The following ACTN4 variants were observed in gnomAD, a reference collection of about 807,000 sequenced individuals.
The protein encoded by ACTN4 is alpha-actinin-4.
Under a neutral mutation model 114.2 loss-of-function variants are expected in ACTN4, and 18 were observed. The observed-to-expected ratio is 0.16, with a 90% CI of 0.11 to 0.23. The LOEUF is 0.23. Ranked by LOEUF, ACTN4 falls within the 10% of genes least tolerant of loss-of-function variation. ACTN4 has a pLI of 1.00. For synonymous variants in ACTN4, 515 were observed against 506.3 expected (o/e 1.02, Z -0.23); for missense variants, 722 against 1,262.9 (o/e 0.57, Z 6.49).
chr19:38,705,677 G>C (rs1847162269), intron 4 of ACTN4, among the ~76,000 whole-genome samples: 1 of 152,244 alleles, frequency 6.6e-6, no homozygotes, highest in African/African-American at 2.4e-5. Context: ...GCCAAGGCCG[G>C]TATCAAGGGC....
chr19:38,684,294 A>G (rs1015041999), intron 1 of ACTN4, among the ~76,000 whole-genome samples: 1 of 152,136 alleles, frequency 6.6e-6, no homozygotes, highest in African/African-American at 2.4e-5. Flanking sequence ...TCAGCCCCTT[A>G]GTGGCTTTCA....
At chr19:38,694,618 C>A (rs994774446) in intron 1 of ACTN4, among the ~76,000 whole-genome samples, 9 of 152,074 alleles carry the variant, frequency 5.9e-5, no homozygotes. Flanking sequence ...CAGCACCTCC[C>A]ATTCTACTCA....
At position 38,647,877 on chromosome 19, in the gene ACTN4, G is replaced by A; in HGVS notation, c.132G>A (p.Leu44=). The A allele has an allele frequency of 6.5e-7, 1 of 1,528,756 alleles. No homozygotes were observed. Among genetic ancestry groups the A allele is most frequent in the Non-Finnish European group, 8.8e-7 (1 of 1,137,114 alleles). The allele number at this position is 1,528,756 out of a possible 1,614,324, so 94.7% of individuals were successfully genotyped here. A position where few individuals can be genotyped will look rare whatever the true frequency, so the allele number is the denominator to read the frequency against. Reference sequence around the variant, plus strand: ...ACGACTGGGACCGGGACCTGCTGCTGGACCCGGCCTGGGAGAAGCAGCAGC... The same window carrying A: ...ACGACTGGGACCGGGACCTGCTGCTAGACCCGGCCTGGGAGAAGCAGCAGC... ...QEDDWDRDLL[L]DPAWEKQQRK... Residue 44 remains leucine, a synonymous_variant, in exon 1 of 21, where the codon CTG becomes CTA. Coordinates refer to ENST00000252699, the MANE Select transcript of ACTN4 (RefSeq NM_004924.6).
rs1052386297 is a variant in ACTN4, at chr19:38,687,179, G to T, written c.163-13421G>T. On this transcript the variant is annotated intron_variant, in intron 1 of 20. Transcript: ENST00000252699. ...CGGCTGGTCTCTACTAATAGTTCAAGACGGCTGGTCTTGAACTCCTGACCT... is the reference window on the plus strand; with the variant it reads ...CGGCTGGTCTCTACTAATAGTTCAATACGGCTGGTCTTGAACTCCTGACCT... Among the ~76,000 whole-genome samples, 10 of 152,078 alleles carry T rather than the reference G, an allele frequency of 6.6e-5. No homozygotes were observed. In the East Asian group the frequency reaches 1.7e-3, roughly 26 times the overall value.
rs547212814 is a variant in ACTN4 at position 38,658,101 on chromosome 19, C to CA, written c.162+10195dup. Among the ~76,000 whole-genome samples the CA allele has an allele frequency of 1.4e-4, 22 of 152,310 alleles. 1 individual carries two copies. In the South Asian group the frequency reaches 4.6e-3, roughly 32 times the overall value. On this transcript the variant is annotated intron_variant, in intron 1 of 20. Transcript: ENST00000252699. ...ACTTGGTATCACAGGAAAATACCTA[C>CA]AGGCACAGCAGCCTTGCCAGGTAGG...
At chr19:38,683,161 G>A (rs576130450) in intron 1 of ACTN4, among the ~76,000 whole-genome samples, 1 of 152,322 alleles carries the variant, frequency 6.6e-6, no homozygotes, top group East Asian at 1.9e-4. Flanking sequence ...GGAGTGCCTG[G>A]GAGGGGCTAT....
At chr19:38,702,668 G>A (rs554599738) in intron 3 of ACTN4, among the ~76,000 whole-genome samples, 3 of 152,324 alleles carry the variant, frequency 2.0e-5, no homozygotes, top group East Asian at 1.9e-4. Context: ...GTGCTGCTCA[G>A]TTTCTGGGTC....
intron 1 of ACTN4, among the ~76,000 whole-genome samples, chr19:38,662,403 C>T (rs944313722): frequency 6.6e-6 from 1 of 152,148 alleles, no homozygotes; most frequent in Non-Finnish European, 1.5e-5. Context: ...AAAATCGCCC[C>T]GTGGGTAGAG....
In ACTN4 at chr19:38,723,665, C is replaced by G; in HGVS notation, c.1494C>G (p.Ile498Met). Residue 498 changes from isoleucine to methionine, a missense_variant, in exon 13 of 21, where the codon ATC becomes ATG. By Grantham distance (10) the Ile-to-Met change is conservative (BLOSUM62 1). Around this residue, in one of 3 missense-constraint regions of ACTN4, gnomAD observed 523 missense variants for 875.9 expected, o/e 0.60. Coordinates refer to ENST00000252699, the MANE Select transcript of ACTN4 (RefSeq NM_004924.6). Reference protein sequence around the residue: ...SHNVNTRCQKICDQWDALGSL... With the variant: ...SHNVNTRCQKMCDQWDALGSL... ...ATGTCAACACCCGGTGCCAGAAGATCTGTGACCAGTGGGACGCCCTCGGCT... is the reference window on the plus strand; with the variant it reads ...ATGTCAACACCCGGTGCCAGAAGATGTGTGACCAGTGGGACGCCCTCGGCT... 2 of 1,613,596 alleles carry G rather than the reference C, an allele frequency of 1.2e-6. No homozygotes were observed. The highest frequency in any genetic ancestry group is 4.5e-5 in the East Asian group (2 of 44,874).
Position 38,687,337 on chromosome 19 carries a change from C to T in ACTN4, c.163-13263C>T, listed in dbSNP as rs190504423. On this transcript the variant is annotated intron_variant, in intron 1 of 20. Coordinates refer to ENST00000252699, the MANE Select transcript of ACTN4 (RefSeq NM_004924.6). ...AACAAGGGGGTTGGATTAGATTGTT[C>T]GCTCTCAGCCCTCACTTCATGTTAG... Among the ~76,000 whole-genome samples the T allele has an allele frequency of 7.2e-5, 11 of 152,244 alleles. No individual in the cohort carries two copies. The South Asian group carries it at 1.7e-3, about 23-fold the overall frequency.
chr19:38,691,290 A>G (rs1294990875), intron 1 of ACTN4, among the ~76,000 whole-genome samples: 1 of 151,362 alleles, frequency 6.6e-6, no homozygotes, highest in East Asian at 2.0e-4. Context: ...AATCCCAGCT[A>G]CTCGGGAGGC....
At chr19:38,675,490 T>A (rs941474792) in intron 1 of ACTN4, among the ~76,000 whole-genome samples, 3 of 152,230 alleles carry the variant, frequency 2.0e-5, no homozygotes, top group Non-Finnish European at 4.4e-5. Flanking sequence ...CACCTTGGTC[T>A]CCCAAAGTGT....
chr19:38,702,023 T>TG (rs1322387658), intron 3 of ACTN4, among the ~76,000 whole-genome samples: 3 of 152,346 alleles, frequency 2.0e-5, no homozygotes, highest in Admixed American at 6.5e-5. Flanking sequence ...ACAGTCGAGG[T>TG]GGTTGGTGTT....
At chr19:38,713,136 A>G (rs560888604) in intron 8 of ACTN4, among the ~76,000 whole-genome samples, 1 of 152,292 alleles carries the variant, frequency 6.6e-6, no homozygotes, top group African/African-American at 2.4e-5. Flanking sequence ...TTATAAACGC[A>G]GAGTGAACCC....
At chr19:38,669,470 T>C (rs928338837) in intron 1 of ACTN4, among the ~76,000 whole-genome samples, 1 of 152,106 alleles carries the variant, frequency 6.6e-6, no homozygotes, top group African/African-American at 2.4e-5. Context: ...CCAGTCTGGT[T>C]TGGAGTAGAT....
Position 38,717,113 on chromosome 19 carries a change from C to G in ACTN4, c.940C>G (p.Pro314Ala). 1 of 1,614,062 alleles carries G rather than the reference C, an allele frequency of 6.2e-7. No homozygotes were observed. The highest frequency in any genetic ancestry group is 1.1e-5 in the South Asian group (1 of 91,056). ...DLLEWIRRTI[P>A]WLEDRVPQKT... ...CCTGGAGTGGATCCGGCGCACCATC[C>G]CCTGGCTGGAGGACCGTGTGCCCCA... The change falls in exon 10 of 21, where the codon CCC becomes GCC. Residue 314 changes from proline to alanine, a missense_variant. By Grantham distance (27) the Pro-to-Ala change is conservative. Around this residue, in one of 3 missense-constraint regions of ACTN4, gnomAD observed 523 missense variants for 875.9 expected, o/e 0.60. Coordinates refer to ENST00000252699, the MANE Select transcript of ACTN4 (RefSeq NM_004924.6). The surrounding 1 kb of genome is among the most constrained non-coding windows in gnomAD (Gnocchi z 4.0).
chr19:38,710,144 C>T, intron 7 of ACTN4, 113 bp from the exon 8 acceptor site: 1 of 1,095,858 alleles, frequency 9.1e-7, no homozygotes, highest in Non-Finnish European at 1.4e-6. Flanking sequence ...ACGCGTCACT[C>T]TGCAGGTCCC....
At chr19:38,691,543 G>C (rs1967931240) in intron 1 of ACTN4, among the ~76,000 whole-genome samples, 1 of 152,014 alleles carries the variant, frequency 6.6e-6, no homozygotes. Flanking sequence ...GACAAAACCA[G>C]CTCTATAAAG....
chr19:38,722,834 C>A (rs1969092953), intron 12 of ACTN4, among the ~76,000 whole-genome samples: 1 of 152,172 alleles, frequency 6.6e-6, no homozygotes, highest in Admixed American at 6.5e-5. Flanking sequence ...TATGTGAAAC[C>A]CATTACTCTG....
Sources: gnomAD v4.1 joint callset for allele counts (sites outside exome capture counted in the v4.1 genomes callset) on GRCh38, gnomAD v4.1.1 for gene constraint, gnomAD v4.1.1 regional missense constraint, Gnocchi (gnomAD v3.1) non-coding constraint, MANE v1.5 for transcripts, NCBI Gene and HGNC (gene_info 2026-07-23, HGNC 2026-07-21) for gene names.